Variants in POU6F2 observed in about 807,000 individuals in gnomAD.
POU6F2 encodes the protein POU class 6 homeobox 2.
POU6F2 carries 31 observed loss-of-function variants against 71.3 expected under a neutral mutation model. That is an observed-to-expected ratio of 0.43 (90% CI 0.33 to 0.59). The LOEUF (loss-of-function observed/expected upper bound fraction) is 0.59. POU6F2 is among the 20% of genes least tolerant of loss of function. The pLI, the probability that POU6F2 is intolerant of heterozygous loss-of-function variation, is 0.04. For synonymous variants in POU6F2, 347 were observed against 355.7 expected, an observed-to-expected ratio of 0.98 and a Z score of 0.27; for missense variants, 783 against 856.8, an observed-to-expected ratio of 0.91 and a Z score of 1.07.
chr7:39,141,193 C>T (rs1157952398), intron 2 of POU6F2, among the ~76,000 whole-genome samples: 1 of 152,128 alleles, frequency 6.6e-6, no homozygotes, highest in Non-Finnish European at 1.5e-5. Context: ...AATGAGAGCG[C>T]ATAAAAGCTC....
At chr7:39,108,811 A>G (rs1791746498) in intron 2 of POU6F2, among the ~76,000 whole-genome samples, 1 of 152,230 alleles carries the variant, frequency 6.6e-6, no homozygotes, top group South Asian at 2.1e-4. Flanking sequence ...AGTATGCAAT[A>G]ACAAACAGAT....
chr7:39,079,025 AGAGTGTG>A (rs1184391931), intron 1 of POU6F2, among the ~76,000 whole-genome samples: 2 of 152,152 alleles, frequency 1.3e-5, no homozygotes, highest in Non-Finnish European at 1.5e-5. Context: ...CTCCAAACTG[AGAGTGTG>A]GAGAGAAAAG....
intron 2 of POU6F2, among the ~76,000 whole-genome samples, chr7:39,177,535 TCAACA>T (rs1269108721): frequency 1.3e-5 from 2 of 152,328 alleles, no homozygotes; most frequent in East Asian, 3.9e-4. Flanking sequence ...AAGTTTAAAA[TCAACA>T]CTATTTGTGT....
intron 4 of POU6F2, among the ~76,000 whole-genome samples, chr7:39,249,828 C>T (rs1352797173): frequency 6.6e-6 from 1 of 152,176 alleles, no homozygotes; most frequent in Non-Finnish European, 1.5e-5. Context: ...TCAGAGAGTA[C>T]TCAGTCATTT....
At chr7:39,282,726 G>C (rs1421933685) in intron 4 of POU6F2, among the ~76,000 whole-genome samples, 1 of 152,102 alleles carries the variant, frequency 6.6e-6, no homozygotes, top group Non-Finnish European at 1.5e-5. Flanking sequence ...GATGCCTCCA[G>C]TTTTGTTCTT....
chr7:39,463,488 T>C (rs963199388), intron 9 of POU6F2, among the ~76,000 whole-genome samples: 1 of 152,160 alleles, frequency 6.6e-6, no homozygotes, highest in Non-Finnish European at 1.5e-5. Context: ...TTACAATGTG[T>C]CCAGCTGTTT....
intron 5 of POU6F2, among the ~76,000 whole-genome samples, chr7:39,402,184 T>C (rs1487802601): frequency 6.6e-6 from 1 of 152,254 alleles, no homozygotes; most frequent in Non-Finnish European, 1.5e-5. Flanking sequence ...CATCATGTGA[T>C]ACTATGTATG....
At chr7:39,362,786 T>G (rs1786417176) in intron 5 of POU6F2, among the ~76,000 whole-genome samples, 1 of 152,066 alleles carries the variant, frequency 6.6e-6, no homozygotes, top group Non-Finnish European at 1.5e-5. Flanking sequence ...TACTCTTTGA[T>G]GTAGGTTAAT....
At chr7:39,023,852 A>G (rs993587094) in intron 1 of POU6F2, among the ~76,000 whole-genome samples, 1 of 152,112 alleles carries the variant, frequency 6.6e-6, no homozygotes, top group African/African-American at 2.4e-5. Flanking sequence ...CTGAAGCCAG[A>G]AAGGAAAAAG....
At chr7:39,332,354 G>A (rs1027930977) in intron 4 of POU6F2, among the ~76,000 whole-genome samples, 2 of 152,174 alleles carry the variant, frequency 1.3e-5, no homozygotes, top group African/African-American at 4.8e-5. Context: ...GGGCTCCCTT[G>A]TGTTGCTCTC....
intron 2 of POU6F2, among the ~76,000 whole-genome samples, chr7:39,098,235 A>C (rs62442209): frequency 0.15 from 23,331 of 151,762 alleles, 1,958 homozygotes; most frequent in African/African-American, 0.22. Flanking sequence ...GTTCTCTCAG[A>C]AGCCAATACA....
At chr7:39,450,718 C>T (rs749950791) in intron 7 of POU6F2, among the ~76,000 whole-genome samples, 1 of 152,146 alleles carries the variant, frequency 6.6e-6, no homozygotes, top group Admixed American at 6.5e-5. Context: ...GCTCGGGTCC[C>T]AGGGTCAGAC....
intron 4 of POU6F2, among the ~76,000 whole-genome samples, chr7:39,323,848 C>T (rs974995257): frequency 2.6e-5 from 4 of 152,132 alleles, no homozygotes; most frequent in Non-Finnish European, 5.9e-5. Flanking sequence ...GTGGCTCACA[C>T]CTGTAATCCT....
chr7:39,217,310 G>A (rs1439909313), intron 4 of POU6F2, among the ~76,000 whole-genome samples: 3 of 148,406 alleles, frequency 2.0e-5, no homozygotes, highest in South Asian at 4.5e-4. Context: ...TTTGTTGATC[G>A]AAGGAGAAAT....
intron 5 of POU6F2, among the ~76,000 whole-genome samples, chr7:39,368,773 T>C (rs1452634514): frequency 6.6e-6 from 1 of 152,194 alleles, no homozygotes; most frequent in Non-Finnish European, 1.5e-5. Flanking sequence ...TTAAGAATGA[T>C]GCTAAATCAA....
At chr7:39,018,397 G>A (rs1789608767) in intron 1 of POU6F2, among the ~76,000 whole-genome samples, 1 of 152,052 alleles carries the variant, frequency 6.6e-6, no homozygotes, top group Non-Finnish European at 1.5e-5. Flanking sequence ...TGTGCCGGAA[G>A]CCATGACCTG....
At chr7:39,095,625 A>C (rs557280327) in intron 2 of POU6F2, among the ~76,000 whole-genome samples, 31 of 152,314 alleles carry the variant, frequency 2.0e-4, no homozygotes, top group African/African-American at 6.3e-4. Context: ...TTAGAGTGAC[A>C]GAGGTCTGAG....
chr7:39,335,649 T>C (rs149269487), intron 4 of POU6F2, among the ~76,000 whole-genome samples: 3 of 152,350 alleles, frequency 2.0e-5, no homozygotes, highest in East Asian at 3.9e-4. Flanking sequence ...ATGTATAACA[T>C]GGCAATAACA....
chr7:39,312,452 G>C (rs1041098658), intron 4 of POU6F2, among the ~76,000 whole-genome samples: 1 of 152,148 alleles, frequency 6.6e-6, no homozygotes, highest in African/African-American at 2.4e-5. Context: ...GAGAAAACGT[G>C]ACCTAAGTAT....
Sources: gnomAD v4.1 joint callset for allele counts (sites outside exome capture counted in the v4.1 genomes callset) on GRCh38, gnomAD v4.1.1 for gene constraint, MANE v1.5 for transcripts, NCBI Gene and HGNC (gene_info 2026-07-23, HGNC 2026-07-21) for gene names.